RUNX2: variants seen among roughly 807,000 people sequenced by gnomAD.
RUNX2 encodes runt-related transcription factor 2.
RUNX2 carries 10 observed loss-of-function variants against 51.7 expected under a neutral mutation model. The ratio of observed to expected loss-of-function variants is 0.19; its 90% confidence interval spans 0.12 to 0.33. RUNX2 has a LOEUF of 0.33. RUNX2 is among the 10% of genes least tolerant of loss of function. The pLI is 1.00. For synonymous variants in RUNX2, 276 were observed against 273.6 expected, an observed-to-expected ratio of 1.01 and a Z score of -0.09; for missense variants, 562 against 691.3, an observed-to-expected ratio of 0.81 and a Z score of 2.10.
intron 2 of RUNX2, among the ~76,000 whole-genome samples, chr6:45,334,721 A>G (rs1788212075): frequency 6.6e-6 from 1 of 151,170 alleles, no homozygotes; most frequent in Admixed American, 6.6e-5. Context: ...ATGCATTCAC[A>G]CCAATGACTA....
At position 45,550,484 on chromosome 6, in the gene RUNX2, G is replaced by C. The variant is rs552035909; in HGVS notation, c.*3179G>C. 6.0e-4 allele frequency: 91 copies of C among 152,480 alleles called. No individual in the cohort carries two copies. The highest frequency in any genetic ancestry group is 6.6e-4 in the Non-Finnish European group (45 of 68,032). 9.4% of individuals were successfully genotyped at this position (152,480 alleles called of 1,614,324 possible). A position where few individuals can be genotyped will look rare whatever the true frequency, so the allele number is the denominator to read the frequency against. ...AATTCCGAGGAAAGGGACTGGCCCA[G>C]AATCCAGGTTAATACATGGAAACAC... On this transcript the variant is annotated 3_prime_UTR_variant, in exon 9 of 9. Transcript: ENST00000647337.
chr6:45,361,587 A>C (rs1181828074), intron 2 of RUNX2: 3 of 152,192 alleles, frequency 2.0e-5, no homozygotes, highest in Non-Finnish European at 4.4e-5. Context: ...GCTTGAGTTC[A>C]ATAACCTAAA....
intron 5 of RUNX2, among the ~76,000 whole-genome samples, chr6:45,459,635 T>C (rs1799415939): frequency 6.6e-6 from 1 of 152,252 alleles, no homozygotes; most frequent in African/African-American, 2.4e-5. Flanking sequence ...GTTAGGAATA[T>C]AGCCTTTAAC....
intron 7 of RUNX2, among the ~76,000 whole-genome samples, chr6:45,535,521 G>A (rs1448458544): frequency 2.6e-5 from 4 of 151,732 alleles, no homozygotes; most frequent in East Asian, 1.9e-4. Flanking sequence ...GAAGAATGGC[G>A]TGAACCCGGG....
intron 2 of RUNX2, among the ~76,000 whole-genome samples, chr6:45,412,781 G>C (rs1183521855): frequency 2.0e-5 from 3 of 151,354 alleles, no homozygotes; most frequent in Non-Finnish European, 4.4e-5. Flanking sequence ...GTCTCGCTCT[G>C]TCATCCAGGC....
At chr6:45,497,679 G>C (rs1247408577) in intron 6 of RUNX2, among the ~76,000 whole-genome samples, 1 of 152,050 alleles carries the variant, frequency 6.6e-6, no homozygotes, top group Non-Finnish European at 1.5e-5. Flanking sequence ...ATTATATCTT[G>C]TTCCATGTGC....
At chr6:45,484,268 A>G (rs1800204132) in intron 5 of RUNX2, among the ~76,000 whole-genome samples, 1 of 152,114 alleles carries the variant, frequency 6.6e-6, no homozygotes, top group African/African-American at 2.4e-5. Context: ...CTAGGAAAGG[A>G]GGTGACAAAG....
chr6:45,403,660 A>T (rs1054272350), intron 2 of RUNX2, among the ~76,000 whole-genome samples: 2 of 152,192 alleles, frequency 1.3e-5, no homozygotes, highest in Non-Finnish European at 2.9e-5. Context: ...TATTCTAACT[A>T]GTCTTTATTG....
intron 5 of RUNX2, among the ~76,000 whole-genome samples, chr6:45,481,211 G>A (rs1255199763): frequency 6.6e-6 from 1 of 152,184 alleles, no homozygotes; most frequent in African/African-American, 2.4e-5. Flanking sequence ...CCAGGATCCA[G>A]GAATTGCGTG....
intron 7 of RUNX2, among the ~76,000 whole-genome samples, chr6:45,542,329 T>A (rs747023142): frequency 4.6e-5 from 7 of 152,240 alleles, no homozygotes; most frequent in Admixed American, 1.3e-4. Context: ...TATTAATATA[T>A]TCTTTCCTGT....
At chr6:45,343,316 C>T (rs1231081381) in intron 2 of RUNX2, among the ~76,000 whole-genome samples, 1 of 152,114 alleles carries the variant, frequency 6.6e-6, no homozygotes, top group Non-Finnish European at 1.5e-5. Context: ...TCCTGGCCAA[C>T]ATGGTGAAAC....
At chr6:45,531,979 TG>T (rs1467229782) in intron 7 of RUNX2, among the ~76,000 whole-genome samples, 2 of 152,148 alleles carry the variant, frequency 1.3e-5, no homozygotes, top group Non-Finnish European at 2.9e-5. Context: ...TATGGGAGCC[TG>T]AAGTGTTAGT....
chr6:45,331,932 G>A (rs556998786), intron 2 of RUNX2, among the ~76,000 whole-genome samples: 1,886 of 152,024 alleles, frequency 0.012, 23 homozygotes, highest in Non-Finnish European at 0.018. Flanking sequence ...TTTGTTAAAA[G>A]AACACTGAAA....
chr6:45,533,613 T>C (rs553419489), intron 7 of RUNX2, among the ~76,000 whole-genome samples: 1 of 152,274 alleles, frequency 6.6e-6, no homozygotes, highest in East Asian at 1.9e-4. Flanking sequence ...ACTACAACAC[T>C]ACATTTGGAT....
chr6:45,403,668 T>C (rs945703151), intron 2 of RUNX2, among the ~76,000 whole-genome samples: 4 of 152,360 alleles, frequency 2.6e-5, no homozygotes, highest in African/African-American at 4.8e-5. Context: ...CTAGTCTTTA[T>C]TGAATGCCCA....
At chr6:45,397,259 A>G (rs1797603125) in intron 2 of RUNX2, among the ~76,000 whole-genome samples, 1 of 151,322 alleles carries the variant, frequency 6.6e-6, no homozygotes, top group Non-Finnish European at 1.5e-5. Flanking sequence ...GCCCACCACC[A>G]CGTCCGGCTA....
At chr6:45,513,387 C>CCTTT (rs914174421) in intron 7 of RUNX2, 1 of 152,234 alleles carries the variant, frequency 6.6e-6, no homozygotes, top group Non-Finnish European at 1.5e-5. Context: ...CAGGTTAATG[C>CCTTT]CTTTCTTTCT....
chr6:45,339,343 A>G (rs1036294488), intron 2 of RUNX2, among the ~76,000 whole-genome samples: 2 of 152,200 alleles, frequency 1.3e-5, no homozygotes, highest in African/African-American at 2.4e-5. Context: ...AACTCCCTAG[A>G]TAAATTAGCC....
intron 2 of RUNX2, among the ~76,000 whole-genome samples, chr6:45,353,264 G>C (rs905304847): frequency 4.6e-5 from 7 of 151,988 alleles, no homozygotes; most frequent in Admixed American, 3.3e-4. Flanking sequence ...TTTGCACTTA[G>C]AATTTGTTTT....
Sources: allele counts gnomAD v4.1 joint callset (sites outside exome capture counted in the v4.1 genomes callset), GRCh38; gene constraint gnomAD v4.1.1; transcripts MANE v1.5; gene names NCBI Gene and HGNC (gene_info 2026-07-23, HGNC 2026-07-21).